The following FHDC1 variants were observed in gnomAD, a reference collection of about 807,000 sequenced individuals.
FHDC1 encodes FH2 domain containing 1.
Under a neutral mutation model 52.6 loss-of-function variants are expected in FHDC1, and 25 were observed. The observed-to-expected ratio is 0.48, with a 90% confidence interval of 0.35 to 0.66. The LOEUF (loss-of-function observed/expected upper bound fraction) is 0.66. Ranked by LOEUF, FHDC1 falls within the 30% of genes least tolerant of loss-of-function variation. The pLI is 0.01. For missense variants in FHDC1, 1,459 were observed against 1,452.8 expected (o/e 1.00, Z -0.07); for synonymous variants, 616 against 581.5 (o/e 1.06, Z -0.85).
chr4:152,951,671 T>C (rs1739931006), intron 2 of FHDC1, among the ~76,000 whole-genome samples: 1 of 152,138 alleles, frequency 6.6e-6, no homozygotes, highest in Admixed American at 6.5e-5. Flanking sequence ...GAAACCTGAT[T>C]CTCTTTTGTT....
intron 2 of FHDC1, 140 bp from the exon 3 acceptor site, chr4:152,953,359 C>A: frequency 1.6e-6 from 1 of 640,038 alleles, no homozygotes; most frequent in Non-Finnish European, 2.7e-6. Flanking sequence ...TTAGGAATAT[C>A]TGTTAATCAC....
At chr4:152,917,699 G>GT in the FHDC1 span, among the ~76,000 whole-genome samples, 5 of 152,092 alleles carry the variant, frequency 3.3e-5, no homozygotes, top group Admixed American at 1.3e-4. Context: ...AAAAATGTAA[G>GT]TTTAAACAGT....
chr4:152,948,485 C>G (rs1386938487), intron 2 of FHDC1, among the ~76,000 whole-genome samples: 1 of 151,922 alleles, frequency 6.6e-6, no homozygotes, highest in Non-Finnish European at 1.5e-5. Flanking sequence ...ATGGAGTCTC[C>G]CTCTGTCACC....
rs146882019 is a variant in FHDC1 at position 152,974,834 on chromosome 4, C to A, written c.1543C>A (p.Leu515Met). ...GCTGACCAAGAAGGGTGCAGAGGGC[C>A]TGCTCCCTTTCCTGCACCCCAGGCC... ...ELLTKKGAEG[L>M]LPFLHPRPIS... The change falls in exon 12 of 12, where the codon CTG (leucine) becomes ATG (methionine). Residue 515 changes from leucine to methionine, a missense_variant. This residue lies in a region of FHDC1 where 939 missense variants were observed against 854.5 expected (regional missense o/e 1.10). Coordinates refer to ENST00000511601, the MANE Select transcript of FHDC1 (RefSeq NM_001371116.1). 9.6e-4 allele frequency: 1,526 copies of A among 1,596,810 alleles called. 12 individuals carry two copies. In the African/African-American group the frequency reaches 0.018, roughly 19 times the overall value.
At position 152,960,259 on chromosome 4, in the gene FHDC1, A is replaced by C. The variant is rs947179524; in HGVS notation, c.664-306A>C. Among the ~76,000 whole-genome samples, 3 of 152,198 alleles carry C rather than the reference A, an allele frequency of 2.0e-5. No homozygotes were observed. In the East Asian group the frequency reaches 5.8e-4, roughly 29 times the overall value. The stretch of plus-strand genomic sequence containing the variant: ...TCATCCTTAGAACTGATTCCTTTTT[A>C]GTCCCTCCCTTTTGTAACCTTCCTG... On this transcript the variant is annotated intron_variant, in intron 4 of 11. Transcript: ENST00000511601.
At chr4:152,941,635 C>T (rs1254893014) in intron 1 of FHDC1, among the ~76,000 whole-genome samples, 1 of 152,176 alleles carries the variant, frequency 6.6e-6, no homozygotes, top group East Asian at 1.9e-4. Context: ...CCTAGAATCT[C>T]CACTCTTATT....
the FHDC1 span, among the ~76,000 whole-genome samples, chr4:152,929,798 G>A: frequency 3.9e-5 from 6 of 152,138 alleles, no homozygotes; most frequent in Admixed American, 2.0e-4. The surrounding 1 kb of genome is among the most constrained non-coding windows in gnomAD (Gnocchi z 4.1). Context: ...AAGGCATGCC[G>A]TAAAGGAGGG....
At chr4:152,926,303 C>CACACACACACACAT in the FHDC1 span, among the ~76,000 whole-genome samples, 13 of 141,172 alleles carry the variant, frequency 9.2e-5, no homozygotes, top group South Asian at 2.3e-4. Context: ...CACACACACA[C>CACACACACACACAT]AAACAATACA....
At chr4:152,913,115 C>T in the FHDC1 span, among the ~76,000 whole-genome samples, 1 of 152,122 alleles carries the variant, frequency 6.6e-6, no homozygotes, top group Non-Finnish European at 1.5e-5. Flanking sequence ...CTTCAATTCC[C>T]CTTTAAATCC....
At chr4:152,963,403 A>G (rs1202280102) in intron 8 of FHDC1, among the ~76,000 whole-genome samples, 1 of 152,234 alleles carries the variant, frequency 6.6e-6, no homozygotes, top group Non-Finnish European at 1.5e-5. Context: ...TTTGGATTTC[A>G]TGCTTTAGCA....
intron 2 of FHDC1, 127 bp from the exon 3 acceptor site, chr4:152,953,372 G>A: frequency 1.4e-6 from 1 of 712,570 alleles, no homozygotes; most frequent in Non-Finnish European, 2.3e-6. Flanking sequence ...TTAATCACCA[G>A]ATTTATACAT....
intron 2 of FHDC1, among the ~76,000 whole-genome samples, chr4:152,950,479 C>T (rs958387968): frequency 4.6e-5 from 7 of 152,178 alleles, no homozygotes. Flanking sequence ...GTAAGGTGCT[C>T]AGTCACAGCC....
intron 10 of FHDC1, 77 bp from the exon 11 acceptor site, chr4:152,972,300 G>T: frequency 7.0e-7 from 1 of 1,433,234 alleles, no homozygotes; most frequent in Non-Finnish European, 9.3e-7. Context: ...CGTCTTCTCT[G>T]GGCACCGGAT....
At chr4:152,956,536 T>G (rs1740089360) in intron 4 of FHDC1, among the ~76,000 whole-genome samples, 1 of 152,146 alleles carries the variant, frequency 6.6e-6, no homozygotes, top group Non-Finnish European at 1.5e-5. Context: ...TTTGTATTTT[T>G]GGGTTGTGTG....
At chr4:152,951,766 C>G (rs893327740) in intron 2 of FHDC1, among the ~76,000 whole-genome samples, 1 of 152,044 alleles carries the variant, frequency 6.6e-6, no homozygotes, top group African/African-American at 2.4e-5. Flanking sequence ...AAAAAACAAA[C>G]GGGAAAAAAC....
chr4:152,948,987 G>A (rs1561204682), intron 2 of FHDC1, among the ~76,000 whole-genome samples: 1 of 151,944 alleles, frequency 6.6e-6, no homozygotes, highest in Non-Finnish European at 1.5e-5. Context: ...TACTCGGGAG[G>A]CTGATGCAGG....
In FHDC1 at chr4:152,975,756, C is replaced by T. The variant is rs1740844532; in HGVS notation, c.2465C>T (p.Ser822Phe). 1 of 1,575,982 alleles carries T rather than the reference C, an allele frequency of 6.3e-7. No individual in the cohort carries two copies. The highest frequency in any genetic ancestry group is 1.7e-5 in the Admixed American group (1 of 57,456). The change falls in exon 12 of 12, where the codon TCC becomes TTC. Residue 822 changes from serine to phenylalanine, a missense_variant. Physicochemically the swap from Ser to Phe is radical, Grantham distance 155. This residue lies in a region of FHDC1 where 939 missense variants were observed against 854.5 expected (regional missense o/e 1.10). Coordinates refer to ENST00000511601, the MANE Select transcript of FHDC1 (RefSeq NM_001371116.1). ...VGEMGDSQVS[S>F]NPTSSPPGEA... ...GAAATGGGGGACAGCCAAGTCTCCT[C>T]CAACCCTACATCCAGCCCCCCTGGG...
chr4:152,963,782 T>G (rs1008909168), intron 8 of FHDC1, among the ~76,000 whole-genome samples: 295 of 113,370 alleles, frequency 2.6e-3, no homozygotes, highest in African/African-American at 9.8e-3. Flanking sequence ...TTTTTTTTTT[T>G]TTTTTTTTTT....
At chr4:152,913,889 C>G in the FHDC1 span, among the ~76,000 whole-genome samples, 3 of 152,254 alleles carry the variant, frequency 2.0e-5, no homozygotes, top group Admixed American at 6.5e-5. Flanking sequence ...CCATGTGGGT[C>G]AGGCTGGTCT....
Sources: allele counts gnomAD v4.1 joint callset (sites outside exome capture counted in the v4.1 genomes callset), GRCh38; gene constraint gnomAD v4.1.1; regional missense constraint gnomAD v4.1.1; non-coding constraint Gnocchi (gnomAD v3.1); transcripts MANE v1.5; gene names NCBI Gene and HGNC (gene_info 2026-07-23, HGNC 2026-07-21).